Variants in TLN2 observed in about 807,000 individuals in gnomAD.
TLN2 encodes the protein talin-2.
Under a neutral mutation model 294.7 loss-of-function variants are expected in TLN2, and 118 were observed. That is an observed-to-expected ratio of 0.40 (90% CI 0.34 to 0.47). TLN2 has a LOEUF of 0.47. TLN2 is among the 20% of genes least tolerant of loss of function. The pLI is 0.84. For missense variants in TLN2, 3,083 were observed against 3,282.2 expected, an observed-to-expected ratio of 0.94 and a Z score of 1.48; for synonymous variants, 1,431 against 1,304.5, an observed-to-expected ratio of 1.10 and a Z score of -2.09.
intron 45 of TLN2, among the ~76,000 whole-genome samples, chr15:62,788,387 G>A (rs1157328870): frequency 6.6e-6 from 1 of 152,176 alleles, no homozygotes; most frequent in Non-Finnish European, 1.5e-5. Flanking sequence ...ATTGCCAGTA[G>A]ACTGTTGGTT....
chr15:62,634,964 C>T (rs1448591206), intron 3 of TLN2, among the ~76,000 whole-genome samples: 1 of 152,192 alleles, frequency 6.6e-6, no homozygotes, highest in Non-Finnish European at 1.5e-5. Context: ...AGTTTATTGT[C>T]TATGCTAGAT....
intron 1 of TLN2, among the ~76,000 whole-genome samples, chr15:62,566,506 A>C (rs2043405826): frequency 6.6e-6 from 1 of 151,978 alleles, no homozygotes; most frequent in African/African-American, 2.4e-5. Flanking sequence ...AGGGATGTGC[A>C]TGGGGTATAG....
chr15:62,648,404 CAAAAAAA>C (rs66528062), intron 4 of TLN2, among the ~76,000 whole-genome samples: 10 of 61,892 alleles, frequency 1.6e-4, no homozygotes, highest in South Asian at 7.5e-4. Context: ...GACCCTGACT[CAAAAAAA>C]AAAAAAAAAA....
intron 1 of TLN2, among the ~76,000 whole-genome samples, chr15:62,536,339 G>T (rs752786314): frequency 4.6e-5 from 7 of 152,168 alleles, no homozygotes; most frequent in Admixed American, 1.3e-4. Context: ...CCAGGTTAGA[G>T]GTCACAGGTC....
chr15:62,436,004 C>T (rs936553215), intron 1 of TLN2, among the ~76,000 whole-genome samples: 1 of 152,142 alleles, frequency 6.6e-6, no homozygotes, highest in Non-Finnish European at 1.5e-5. Flanking sequence ...TCCATGATAT[C>T]ACTGTTGCCT....
intron 14 of TLN2, among the ~76,000 whole-genome samples, chr15:62,695,705 A>G (rs1245432351): frequency 6.6e-6 from 1 of 152,198 alleles, no homozygotes; most frequent in East Asian, 1.9e-4. Flanking sequence ...ACTAGTACGC[A>G]AGTTGGAACC....
intron 48 of TLN2, among the ~76,000 whole-genome samples, chr15:62,800,152 G>T (rs1400912979): frequency 6.6e-6 from 1 of 152,192 alleles, no homozygotes; most frequent in Non-Finnish European, 1.5e-5. Context: ...CTCCGTTCTG[G>T]CTCAGCTTCA....
chr15:62,550,081 A>C (rs1234174478), intron 1 of TLN2, among the ~76,000 whole-genome samples: 1 of 152,072 alleles, frequency 6.6e-6, no homozygotes, highest in Non-Finnish European at 1.5e-5. Context: ...TGAGGCTTCA[A>C]ATGTAGGCTG....
At chr15:62,635,994 C>T (rs1028787586) in intron 3 of TLN2, among the ~76,000 whole-genome samples, 2 of 152,020 alleles carry the variant, frequency 1.3e-5, no homozygotes, top group Admixed American at 6.6e-5. Flanking sequence ...CCTGCTTGGG[C>T]GAAGTCTAAA....
intron 1 of TLN2, among the ~76,000 whole-genome samples, chr15:62,522,515 C>T (rs535707155): frequency 6.0e-4 from 92 of 152,316 alleles, no homozygotes; most frequent in African/African-American, 2.2e-3. Context: ...AGAACAAGTA[C>T]GCTGTGAGCT....
At chr15:62,722,781 A>C (rs1322999662) in intron 26 of TLN2, among the ~76,000 whole-genome samples, 1 of 152,106 alleles carries the variant, frequency 6.6e-6, no homozygotes, top group South Asian at 2.1e-4. Context: ...TCCATTTTTC[A>C]CAAGTCTTAG....
intron 11 of TLN2, 48 bp downstream of exon 11, chr15:62,675,369 T>C: frequency 6.3e-7 from 1 of 1,590,598 alleles, no homozygotes; most frequent in Non-Finnish European, 8.6e-7. Flanking sequence ...CCCTTCTTTT[T>C]TCTTTTGTTC....
At chr15:62,725,819 A>C (rs1241593994) in intron 27 of TLN2, among the ~76,000 whole-genome samples, 4 of 152,180 alleles carry the variant, frequency 2.6e-5, no homozygotes, top group African/African-American at 9.7e-5. Flanking sequence ...CCACGGTTTG[A>C]ATTCAGATTT....
At chr15:62,836,186 C>A in intron 57 of TLN2, 113 bp downstream of exon 57, 2 of 1,436,678 alleles carry the variant, frequency 1.4e-6, no homozygotes, top group Non-Finnish European at 1.9e-6. Flanking sequence ...CATCAGCCAG[C>A]CCTGTCCACG....
chr15:62,817,656 G>A (rs1182126982), intron 52 of TLN2, among the ~76,000 whole-genome samples: 3 of 151,952 alleles, frequency 2.0e-5, no homozygotes, highest in Non-Finnish European at 4.4e-5. Flanking sequence ...GGTTAGTCCT[G>A]GGGTCTAAAA....
intron 54 of TLN2, among the ~76,000 whole-genome samples, chr15:62,825,789 T>TATTATAA (rs1491491748): frequency 2.4e-5 from 2 of 83,610 alleles, no homozygotes; most frequent in African/African-American, 1.4e-4. Flanking sequence ...ATATTATATA[T>TATTATAA]TATAATATAT....
chr15:62,488,238 T>G (rs2038518081), intron 1 of TLN2, among the ~76,000 whole-genome samples: 1 of 152,208 alleles, frequency 6.6e-6, no homozygotes, highest in African/African-American at 2.4e-5. Context: ...GTGTCTTGAC[T>G]GTCCTCCATA....
chr15:62,435,831 C>G (rs2035262610), intron 1 of TLN2, among the ~76,000 whole-genome samples: 1 of 152,196 alleles, frequency 6.6e-6, no homozygotes, highest in Admixed American at 6.5e-5. Context: ...CGTGAGCCAC[C>G]ATGCCAGGCC....
At chr15:62,781,071 T>A (rs2064123269) in intron 43 of TLN2, 69 bp from the exon 44 acceptor site, 1 of 1,211,882 alleles carries the variant, frequency 8.3e-7, no homozygotes, top group African/African-American at 1.5e-5. Flanking sequence ...AGTTCCTAAT[T>A]CTCGTAAATA....
Sources: allele counts gnomAD v4.1 joint callset (sites outside exome capture counted in the v4.1 genomes callset), GRCh38; gene constraint gnomAD v4.1.1; transcripts MANE v1.5; gene names NCBI Gene and HGNC (gene_info 2026-07-23, HGNC 2026-07-21).